The following FNDC3B variants were observed in gnomAD, a reference collection of about 807,000 sequenced individuals.
FNDC3B encodes fibronectin type III domain-containing protein 3B.
A neutral mutation model predicts 151.5 loss-of-function variants in FNDC3B; 12 were observed. The ratio of observed to expected loss-of-function variants is 0.08; its 90% confidence interval spans 0.05 to 0.13. The LOEUF (loss-of-function observed/expected upper bound fraction) is 0.13. FNDC3B is among the 10% of genes least tolerant of loss of function. The pLI is 1.00. For missense variants in FNDC3B, 1,214 were observed against 1,505.3 expected (o/e 0.81, Z 3.20); for synonymous variants, 528 against 549.0 (o/e 0.96, Z 0.54).
chr3:172,133,416 T>A, intron 2 of FNDC3B, 55 bp from the exon 3 acceptor site: 1 of 1,385,526 alleles, frequency 7.2e-7, no homozygotes, highest in East Asian at 2.3e-5. Flanking sequence ...TAATAACACT[T>A]AACAAATCCC....
chr3:172,214,780 A>C (rs1725894712), intron 3 of FNDC3B, among the ~76,000 whole-genome samples: 1 of 152,212 alleles, frequency 6.6e-6, no homozygotes, highest in Non-Finnish European at 1.5e-5. Flanking sequence ...AAGCTAGTAA[A>C]CCACGTTAGG....
intron 8 of FNDC3B, among the ~76,000 whole-genome samples, chr3:172,296,339 G>T (rs149975765): frequency 6.6e-6 from 1 of 152,086 alleles, no homozygotes; most frequent in Non-Finnish European, 1.5e-5. Flanking sequence ...CCACAGATGC[G>T]TATCTCCCCT....
At chr3:172,135,134 C>T (rs1188353700) in intron 3 of FNDC3B, among the ~76,000 whole-genome samples, 2 of 152,096 alleles carry the variant, frequency 1.3e-5, no homozygotes, top group African/African-American at 2.4e-5. Flanking sequence ...TACATAATGT[C>T]CCTCTACAAC....
In FNDC3B at chr3:172,310,817, A is replaced by T; in HGVS notation, c.1201-11A>T. On this transcript the variant is annotated splice_polypyrimidine_tract_variant and intron_variant, in intron 10 of 25. Transcript: ENST00000415807. ...CAACTTTCTCTAATCTCATGTTACT[A>T]TTTTTTTTAGGCACCAATTGACAAC... 1 of 1,597,462 alleles carries T rather than the reference A, an allele frequency of 6.3e-7. No homozygotes were observed. The highest frequency in any genetic ancestry group is 8.6e-7 in the Non-Finnish European group (1 of 1,165,148).
chr3:172,296,529 C>G (rs1730614368), intron 8 of FNDC3B, among the ~76,000 whole-genome samples: 1 of 152,228 alleles, frequency 6.6e-6, no homozygotes, highest in African/African-American at 2.4e-5. Context: ...GACTCTTGCT[C>G]TTCTACAAGC....
rs540742348 is a variant in FNDC3B at position 172,363,001 on chromosome 3, G to A, written c.3008+156G>A. 5.6e-4 allele frequency among the ~76,000 whole-genome samples: 85 copies of A among 152,194 alleles called. 1 individual carries two copies. Among genetic ancestry groups the A allele is most frequent in the South Asian group, 1.9e-3 (9 of 4,822 alleles). ...AGCCCTGCGTTTTATACCCGGAGTC[G>A]TTCCTTTTATTCTCTATTTGGAATT... On this transcript the variant is annotated intron_variant, in intron 23 of 25. Coordinates refer to ENST00000415807, the MANE Select transcript of FNDC3B (RefSeq NM_022763.4).
intron 3 of FNDC3B, among the ~76,000 whole-genome samples, chr3:172,152,578 C>CCTTT (rs761898901): frequency 7.9e-6 from 1 of 125,812 alleles, no homozygotes; most frequent in Non-Finnish European, 1.6e-5. Flanking sequence ...ATGGGAAGGG[C>CCTTT]TTTTTTTTTT....
intron 1 of FNDC3B, among the ~76,000 whole-genome samples, chr3:172,056,711 A>T (rs1419524704): frequency 6.6e-6 from 1 of 152,122 alleles, no homozygotes; most frequent in Non-Finnish European, 1.5e-5. Flanking sequence ...TTATTGCTTT[A>T]CTCTGTGACT....
At chr3:172,346,641 C>T (rs1391800643) in intron 20 of FNDC3B, among the ~76,000 whole-genome samples, 1 of 148,770 alleles carries the variant, frequency 6.7e-6, no homozygotes, top group Non-Finnish European at 1.5e-5. Flanking sequence ...TTACTGTAGT[C>T]AAAACTGAGA....
chr3:172,381,214 A>G, intron 25 of FNDC3B, 121 bp downstream of exon 25: 1 of 1,082,850 alleles, frequency 9.2e-7, no homozygotes, highest in Non-Finnish European at 1.3e-6. Flanking sequence ...GAAACTGCCT[A>G]ACTTGTACTT....
intron 3 of FNDC3B, among the ~76,000 whole-genome samples, chr3:172,199,444 G>T (rs911031590): frequency 3.3e-5 from 5 of 152,098 alleles, no homozygotes; most frequent in African/African-American, 1.2e-4. Context: ...CTCCCAAAGT[G>T]CTGGGATTAC....
intron 16 of FNDC3B, among the ~76,000 whole-genome samples, chr3:172,340,368 C>G (rs1560088438): frequency 6.6e-6 from 1 of 150,792 alleles, no homozygotes; most frequent in Non-Finnish European, 1.5e-5. Context: ...TCACTGCAAC[C>G]TCTGCCTCCT....
At chr3:172,063,572 G>A (rs1012038475) in intron 1 of FNDC3B, among the ~76,000 whole-genome samples, 1 of 152,214 alleles carries the variant, frequency 6.6e-6, no homozygotes, top group African/African-American at 2.4e-5. Context: ...GTGACTGTCT[G>A]ATATGATTGC....
chr3:172,373,021 CAG>C (rs1734954994), intron 23 of FNDC3B, among the ~76,000 whole-genome samples: 1 of 152,176 alleles, frequency 6.6e-6, no homozygotes, highest in Admixed American at 6.5e-5. Context: ...CCTCCACCGA[CAG>C]TGTCAGAGTT....
At chr3:172,313,885 T>C (rs1025211997) in intron 11 of FNDC3B, among the ~76,000 whole-genome samples, 3 of 152,216 alleles carry the variant, frequency 2.0e-5, no homozygotes, top group Non-Finnish European at 4.4e-5. Context: ...TGGCAGTCTG[T>C]GTTTCTAAAT....
intron 1 of FNDC3B, among the ~76,000 whole-genome samples, chr3:172,062,308 C>G (rs1576827981): frequency 6.6e-6 from 1 of 151,736 alleles, no homozygotes; most frequent in Non-Finnish European, 1.5e-5. Context: ...CTACTTTTCT[C>G]CTCCTTCTTT....
At chr3:172,282,681 T>A (rs73031316) in intron 6 of FNDC3B, among the ~76,000 whole-genome samples, 14,771 of 152,266 alleles carry the variant, frequency 0.097, 786 homozygotes, top group African/African-American at 0.14. Context: ...CTCTGCTGCC[T>A]TCTCTTTCTC....
At chr3:172,222,259 A>C (rs1482749342) in intron 3 of FNDC3B, among the ~76,000 whole-genome samples, 1 of 152,246 alleles carries the variant, frequency 6.6e-6, no homozygotes, top group Non-Finnish European at 1.5e-5. Flanking sequence ...GAATACTCAG[A>C]TGATAAAAAT....
intron 3 of FNDC3B, among the ~76,000 whole-genome samples, chr3:172,224,724 T>C: frequency 8.1e-6 from 1 of 123,592 alleles, no homozygotes; most frequent in Admixed American, 7.2e-5. Context: ...TAAAGTGTTG[T>C]ATTTCTCTTG....
Sources: allele counts gnomAD v4.1 joint callset (sites outside exome capture counted in the v4.1 genomes callset), GRCh38; gene constraint gnomAD v4.1.1; transcripts MANE v1.5; gene names NCBI Gene and HGNC (gene_info 2026-07-23, HGNC 2026-07-21).